Variants in MIPOL1 observed in about 807,000 individuals in gnomAD.
The protein encoded by MIPOL1 is mirror-image polydactyly gene 1 protein.
Under a neutral mutation model 60.9 loss-of-function variants are expected in MIPOL1, and 57 were observed. The ratio of observed to expected loss-of-function variants is 0.94; its 90% CI spans 0.76 to 1.17. The LOEUF is 1.17. Among genes scored for constraint, MIPOL1 ranks in the 50% most tolerant of loss-of-function variants. The pLI is 0.00. For synonymous variants in MIPOL1, 179 were observed against 168.8 expected (o/e 1.06, Z -0.47); for missense variants, 551 against 511.6 (o/e 1.08, Z -0.74).
In MIPOL1 at chr14:37,372,754, C is replaced by CAAA. The variant is rs34884132; in HGVS notation, c.936+3145_936+3147dup. On this transcript the variant is annotated intron_variant, in intron 10 of 12. Transcript: ENST00000684589. ...TGGGCAACAGAGTGAGACTCCGTCT[C>CAAA]AAAAAAAAAAAAAAAAATTGCTAGG... 1.8e-3 allele frequency among the ~76,000 whole-genome samples: 233 copies of CAAA among 131,942 alleles called. 1 individual carries two copies. The highest frequency in any genetic ancestry group is 3.6e-3 in the East Asian group (16 of 4,504). The allele number at this position is 131,942 out of a possible 152,430, so 86.6% of individuals were successfully genotyped here. A position where few individuals can be genotyped will look rare whatever the true frequency, so the allele number is the denominator to read the frequency against.
chr14:37,415,175 A>G (rs1446497836), intron 10 of MIPOL1, among the ~76,000 whole-genome samples: 1 of 152,202 alleles, frequency 6.6e-6, no homozygotes, highest in African/African-American at 2.4e-5. Context: ...ACCTTTTGTC[A>G]CTAAATGGAC....
intron 11 of MIPOL1, among the ~76,000 whole-genome samples, chr14:37,474,988 A>T (rs2094747835): frequency 6.6e-6 from 1 of 150,904 alleles, no homozygotes; most frequent in Admixed American, 6.6e-5. Flanking sequence ...TTTTTTTGAG[A>T]CAGAGTCACT....
At chr14:37,444,449 C>G (rs1433367613) in intron 11 of MIPOL1, among the ~76,000 whole-genome samples, 2 of 152,128 alleles carry the variant, frequency 1.3e-5, no homozygotes, top group African/African-American at 4.8e-5. Context: ...TATCAATTCT[C>G]TCCAAATTGA....
intron 12 of MIPOL1, among the ~76,000 whole-genome samples, chr14:37,538,241 A>G (rs2095514923): frequency 6.6e-6 from 1 of 152,200 alleles, no homozygotes. Context: ...TGATTTCAGG[A>G]GTCATTTCAC....
intron 1 of MIPOL1, among the ~76,000 whole-genome samples, chr14:37,211,505 G>A (rs564271445): frequency 1.6e-4 from 24 of 152,238 alleles, no homozygotes; most frequent in South Asian, 1.2e-3. Flanking sequence ...GCCCACCCAC[G>A]GAGGGAACAT....
chr14:37,515,806 G>A (rs2095364948), intron 12 of MIPOL1, among the ~76,000 whole-genome samples: 1 of 152,118 alleles, frequency 6.6e-6, no homozygotes, highest in South Asian at 2.1e-4. Context: ...CACAATGTGA[G>A]GTGACCCTAA....
chr14:37,213,364 G>C (rs1303371652), intron 1 of MIPOL1, among the ~76,000 whole-genome samples: 1 of 152,124 alleles, frequency 6.6e-6, no homozygotes, highest in South Asian at 2.1e-4. Flanking sequence ...ATTTAACAAA[G>C]ATATGGAAAT....
At chr14:37,416,330 CACTT>C (rs1248079915) in intron 10 of MIPOL1, among the ~76,000 whole-genome samples, 6 of 152,088 alleles carry the variant, frequency 3.9e-5, no homozygotes, top group Non-Finnish European at 8.8e-5. Context: ...AGTCATGTAT[CACTT>C]ACAGTGGGGA....
At chr14:37,463,246 C>T (rs2094560325) in intron 11 of MIPOL1, among the ~76,000 whole-genome samples, 1 of 152,086 alleles carries the variant, frequency 6.6e-6, no homozygotes, top group Non-Finnish European at 1.5e-5. Context: ...TCATGAGACC[C>T]ACTCACTCAC....
intron 10 of MIPOL1, among the ~76,000 whole-genome samples, chr14:37,393,099 T>C (rs1270382669): frequency 1.3e-5 from 2 of 152,048 alleles, no homozygotes; most frequent in Non-Finnish European, 2.9e-5. Context: ...AGGCAGAGAT[T>C]AGTGTGTCCA....
intron 10 of MIPOL1, among the ~76,000 whole-genome samples, chr14:37,389,240 C>G (rs545278231): frequency 1.3e-5 from 2 of 150,950 alleles, no homozygotes; most frequent in East Asian, 4.0e-4. Flanking sequence ...TAAAAAAAAA[C>G]AAAAAACAGA....
chr14:37,303,679 A>G lies in MIPOL1; in HGVS notation c.624-4377A>G, dbSNP rs183353609. Among the ~76,000 whole-genome samples the G allele has an allele frequency of 1.7e-3, 259 of 152,016 alleles. 1 individual carries two copies. Among genetic ancestry groups the G allele is most frequent in the Middle Eastern group, 3.4e-3 (1 of 294 alleles). Reference sequence around the variant, plus strand: ...GAATGGGAGAAAAGGAATGCATTCAATTCTCAGGCTTTTCTTTTTAATTCA... The same window carrying G: ...GAATGGGAGAAAAGGAATGCATTCAGTTCTCAGGCTTTTCTTTTTAATTCA... On this transcript the variant is annotated intron_variant, in intron 7 of 12. Coordinates refer to ENST00000684589, the MANE Select transcript of MIPOL1 (RefSeq NM_001388067.1).
At chr14:37,287,241 A>T (rs2084651005) in intron 7 of MIPOL1, among the ~76,000 whole-genome samples, 1 of 151,086 alleles carries the variant, frequency 6.6e-6, no homozygotes, top group African/African-American at 2.4e-5. Context: ...ATATATATAT[A>T]TGTATGGGTT....
intron 3 of MIPOL1, among the ~76,000 whole-genome samples, chr14:37,251,981 C>T (rs1974181367): frequency 6.6e-6 from 1 of 151,578 alleles, no homozygotes; most frequent in South Asian, 2.1e-4. Flanking sequence ...AGAAAGGTTA[C>T]AAAAGGTTAC....
intron 9 of MIPOL1, among the ~76,000 whole-genome samples, chr14:37,351,225 C>G (rs4550362): frequency 1.4e-5 from 2 of 144,912 alleles, no homozygotes; most frequent in African/African-American, 5.1e-5. Context: ...ATGTCCCTAC[C>G]AAGGACATGA....
At chr14:37,456,073 A>G (rs895296247) in intron 11 of MIPOL1, among the ~76,000 whole-genome samples, 1 of 151,780 alleles carries the variant, frequency 6.6e-6, no homozygotes, top group Non-Finnish European at 1.5e-5. Context: ...GGTCTTATCA[A>G]TATCACGTAG....
chr14:37,469,138 T>C (rs1037217644), intron 11 of MIPOL1, among the ~76,000 whole-genome samples: 3 of 152,214 alleles, frequency 2.0e-5, no homozygotes, highest in Non-Finnish European at 2.9e-5. Context: ...CTTGCATTGC[T>C]ATAAAGAGAT....
At chr14:37,526,396 G>A (rs2095446874) in intron 12 of MIPOL1, among the ~76,000 whole-genome samples, 1 of 145,670 alleles carries the variant, frequency 6.9e-6, no homozygotes, top group Non-Finnish European at 1.5e-5. Flanking sequence ...TTGAGACGGA[G>A]TCTCGTTCTG....
At position 37,285,407 on chromosome 14, in the gene MIPOL1, G is replaced by A; in HGVS notation, c.583G>A (p.Ala195Thr). ...LQLAIEERDE[A>T]IARAKHMEMS... is the part of the protein sequence containing the mutation. ...ATTAGCCATTGAGGAGAGAGATGAAGCAATTGCACGAGCCAAGCATATGGA... is the reference window on the plus strand; with the variant it reads ...ATTAGCCATTGAGGAGAGAGATGAAACAATTGCACGAGCCAAGCATATGGA... The change falls in exon 7 of 13, where the codon GCA becomes ACA. Residue 195 changes from alanine to threonine, a missense_variant. Ala to Thr is a moderately conservative substitution (Grantham distance 58, BLOSUM62 0). Transcript: ENST00000684589. 6.2e-7 allele frequency: 1 copy of A among 1,613,856 alleles called. No homozygotes were observed. The highest frequency in any genetic ancestry group is 8.5e-7 in the Non-Finnish European group (1 of 1,179,924).
Sources: allele counts gnomAD v4.1 joint callset (sites outside exome capture counted in the v4.1 genomes callset), GRCh38; gene constraint gnomAD v4.1.1; transcripts MANE v1.5; gene names NCBI Gene and HGNC (gene_info 2026-07-23, HGNC 2026-07-21).